Variants in CAST observed in about 807,000 individuals in gnomAD.
CAST encodes the protein calpastatin, also known as MIR583 host.
Under a neutral mutation model 119.6 loss-of-function variants are expected in CAST, and 76 were observed. The ratio of observed to expected loss-of-function variants is 0.64; its 90% CI spans 0.53 to 0.77. The LOEUF (loss-of-function observed/expected upper bound fraction) is 0.77. CAST is among the 30% of genes least tolerant of loss of function. CAST has a pLI of 0.00. For missense variants in CAST, 953 were observed against 946.5 expected, an observed-to-expected ratio of 1.01 and a Z score of -0.09; for synonymous variants, 319 against 331.6, an observed-to-expected ratio of 0.96 and a Z score of 0.41.
chr5:96,763,120 C>T (rs1407363867), intron 25 of CAST: 15 of 779,054 alleles, frequency 1.9e-5, no homozygotes, highest in East Asian at 7.3e-5. Flanking sequence ...GTAACTTTAG[C>T]GAAGTCAGCT....
chr5:96,757,738 G>A (rs995308154), intron 24 of CAST, 84 bp downstream of exon 24: 203 of 882,838 alleles, frequency 2.3e-4, no homozygotes, highest in Admixed American at 5.1e-4. Flanking sequence ...TCATCCAGGC[G>A]GGAGTACAGT....
the CAST span, among the ~76,000 whole-genome samples, chr5:96,139,619 AT>A: frequency 6.6e-6 from 1 of 150,712 alleles, no homozygotes; most frequent in Non-Finnish European, 1.5e-5. Flanking sequence ...AAGTTGCTGT[AT>A]TTTTTTCATT....
chr5:96,130,021 C>CCTT, the CAST span, among the ~76,000 whole-genome samples: 1 of 129,514 alleles, frequency 7.7e-6, no homozygotes, highest in African/African-American at 2.9e-5. Flanking sequence ...AACACACACA[C>CCTT]TTTTTTTTTT....
the CAST span, among the ~76,000 whole-genome samples, chr5:96,014,189 G>C: frequency 6.9e-6 from 1 of 144,368 alleles, no homozygotes; most frequent in African/African-American, 2.6e-5. Context: ...TAAAAACTAA[G>C]ACATGAACAC....
chr5:96,425,111 C>A, the CAST span, among the ~76,000 whole-genome samples: 4 of 151,998 alleles, frequency 2.6e-5, no homozygotes, highest in African/African-American at 9.7e-5. Context: ...CCTTTTCTAA[C>A]CCTTATGCAA....
intron 3 of CAST, among the ~76,000 whole-genome samples, chr5:96,720,221 A>G (rs73138642): frequency 0.025 from 3,769 of 152,304 alleles, 154 homozygotes; most frequent in African/African-American, 0.086. Context: ...TCACCTGTTT[A>G]AAGCCTGTAT....
At chr5:96,727,425 T>C in intron 5 of CAST, 64 bp from the exon 6 acceptor site, 1 of 863,838 alleles carries the variant, frequency 1.2e-6, no homozygotes, top group Non-Finnish European at 1.8e-6. Context: ...GTGATAGTCT[T>C]TGTAAACTAT....
the CAST span, among the ~76,000 whole-genome samples, chr5:96,158,730 C>T: frequency 6.6e-6 from 1 of 152,192 alleles, no homozygotes; most frequent in South Asian, 2.1e-4. Context: ...GCATTGGCAT[C>T]AGATGTGGAT....
chr5:96,133,507 G>C, the CAST span, among the ~76,000 whole-genome samples: 1 of 152,168 alleles, frequency 6.6e-6, no homozygotes, highest in Non-Finnish European at 1.5e-5. Flanking sequence ...CGACATGAGA[G>C]GGGTGAAGTA....
At chr5:96,689,675 A>G (rs1181798698) in intron 2 of CAST, among the ~76,000 whole-genome samples, 1 of 152,222 alleles carries the variant, frequency 6.6e-6, no homozygotes. Flanking sequence ...ATCTAAGGCC[A>G]CACAGTTATT....
chr5:96,167,977 A>G, the CAST span, among the ~76,000 whole-genome samples: 2 of 152,176 alleles, frequency 1.3e-5, no homozygotes, highest in African/African-American at 4.8e-5. Flanking sequence ...GATTTCCACC[A>G]TGGGAAGGAA....
intron 2 of CAST, among the ~76,000 whole-genome samples, chr5:96,690,308 T>C (rs1390144111): frequency 2.0e-5 from 3 of 152,152 alleles, no homozygotes; most frequent in Admixed American, 1.3e-4. Context: ...CTTGGCTCAC[T>C]GCAACCTCCA....
At chr5:96,714,176 CTTT>C (rs1305165842) in intron 3 of CAST, among the ~76,000 whole-genome samples, 3 of 152,084 alleles carry the variant, frequency 2.0e-5, no homozygotes, top group Admixed American at 1.3e-4. Context: ...AAGTAGGTAT[CTTT>C]TTTTATATAC....
chr5:96,737,510 G>A (rs1329874405), intron 10 of CAST, among the ~76,000 whole-genome samples: 1 of 152,094 alleles, frequency 6.6e-6, no homozygotes, highest in South Asian at 2.1e-4. Context: ...CCTGTATTTT[G>A]TTTTGTTTTG....
At chr5:96,601,977 C>T (rs1290532140) in intron 1 of CAST, among the ~76,000 whole-genome samples, 1 of 152,164 alleles carries the variant, frequency 6.6e-6, no homozygotes, top group Non-Finnish European at 1.5e-5. Flanking sequence ...TCCCTCTGGC[C>T]CTCCTCATTG....
the CAST span, among the ~76,000 whole-genome samples, chr5:96,435,324 C>G: frequency 6.6e-6 from 1 of 152,264 alleles, no homozygotes; most frequent in Admixed American, 6.5e-5. Context: ...GTTTATATAC[C>G]TAACAGGGCC....
chr5:96,446,994 C>A, the CAST span, among the ~76,000 whole-genome samples: 307 of 152,286 alleles, frequency 2.0e-3, no homozygotes, highest in African/African-American at 7.2e-3. Flanking sequence ...AAATCACAAG[C>A]ACTGGCCAAT....
chr5:96,515,119 C>A, the CAST span, among the ~76,000 whole-genome samples: 1 of 152,034 alleles, frequency 6.6e-6, no homozygotes, highest in South Asian at 2.1e-4. Flanking sequence ...TTGCCCAATA[C>A]CCAATCTTCT....
At chr5:96,698,092 T>C (rs974160179) in intron 3 of CAST, among the ~76,000 whole-genome samples, 4 of 152,236 alleles carry the variant, frequency 2.6e-5, no homozygotes, top group Admixed American at 2.0e-4. Context: ...TTGTAAATGT[T>C]CCCACACTTG....
Sources: gnomAD v4.1 joint callset for allele counts (sites outside exome capture counted in the v4.1 genomes callset) on GRCh38, gnomAD v4.1.1 for gene constraint, MANE v1.5 for transcripts, NCBI Gene and HGNC (gene_info 2026-07-23, HGNC 2026-07-21) for gene names.